The following SCMH1 variants were observed in gnomAD, a reference collection of about 807,000 sequenced individuals.
SCMH1 encodes polycomb protein SCMH1.
In SCMH1, 37 loss-of-function variants were observed where a neutral mutation model predicts 70.8. That is an observed-to-expected ratio of 0.52 (90% confidence interval 0.40 to 0.69). The LOEUF (loss-of-function observed/expected upper bound fraction) is 0.69, where lower values mean the gene tolerates loss of function less well. SCMH1 is among the 30% of genes least tolerant of loss of function. The pLI is 0.00. For missense variants in SCMH1, 607 were observed against 827.3 expected (o/e 0.73, Z 3.27); for synonymous variants, 292 against 307.4 (o/e 0.95, Z 0.52).
intron 6 of SCMH1, among the ~76,000 whole-genome samples, chr1:41,118,227 C>T (rs1671028568): frequency 6.6e-6 from 1 of 152,122 alleles, no homozygotes; most frequent in Admixed American, 6.5e-5. Context: ...TGTAACTTGT[C>T]CAAGGTAATG....
chr1:41,200,241 G>C (rs1333801774), intron 1 of SCMH1, among the ~76,000 whole-genome samples: 1 of 152,040 alleles, frequency 6.6e-6, no homozygotes, highest in Non-Finnish European at 1.5e-5. Context: ...ACTTTGGGAG[G>C]CTGAGGCGGG....
intron 4 of SCMH1, among the ~76,000 whole-genome samples, chr1:41,153,405 G>A (rs1466048468): frequency 2.0e-5 from 3 of 152,202 alleles, no homozygotes; most frequent in Non-Finnish European, 1.5e-5. Context: ...CAGATCAAGA[G>A]TTTTGGTCAG....
chr1:41,156,953 C>CTTT lies in SCMH1; in HGVS notation c.106+3919_106+3921dup, dbSNP rs66641047. Among the ~76,000 whole-genome samples the CTTT allele has an allele frequency of 3.6e-3, 402 of 110,806 alleles. 3 individuals carry two copies. The highest frequency in any genetic ancestry group is 6.0e-3 in the Non-Finnish European group (338 of 56,202). The allele number at this position is 110,806 out of a possible 152,430, so 72.7% of individuals were successfully genotyped here. Reference sequence around the variant, plus strand: ...TGCTGGGATTACAAGTATAAGCCAACTTTTTTTTTTTTTTTTTTTTTGAGA... The same window carrying CTTT: ...TGCTGGGATTACAAGTATAAGCCAACTTTTTTTTTTTTTTTTTTTTTTTTGAGA... On this transcript the variant is annotated intron_variant, in intron 4 of 14. Coordinates refer to ENST00000337495, the Ensembl canonical transcript of SCMH1.
chr1:41,241,286 C>A (rs1663464919), intron 1 of SCMH1, among the ~76,000 whole-genome samples: 1 of 152,246 alleles, frequency 6.6e-6, no homozygotes, highest in Non-Finnish European at 1.5e-5. Context: ...GTTCACCCAT[C>A]GGCTGGATAC....
rs145357820 is a variant in SCMH1 at position 41,190,370 on chromosome 1, G to T, written c.-117-4120C>A. ...CAAGGGAGAGAATTAGAACCAGTGG[G>T]TGGAAGCTATAGGTAGATAGACTTC... On this transcript the variant is annotated intron_variant, in intron 1 of 14. Coordinates refer to ENST00000337495, the Ensembl canonical transcript of SCMH1. Among the ~76,000 whole-genome samples the T allele has an allele frequency of 4.4e-3, 674 of 152,294 alleles. 10 individuals carry two copies. Among genetic ancestry groups the T allele is most frequent in the South Asian group, 0.023 (110 of 4,824 alleles).
chr1:41,103,522 T>C (rs1263990803), intron 8 of SCMH1, among the ~76,000 whole-genome samples: 2 of 152,174 alleles, frequency 1.3e-5, no homozygotes, highest in African/African-American at 2.4e-5. Flanking sequence ...TTATTTAAAA[T>C]TGGGGATTTT....
intron 1 of SCMH1, among the ~76,000 whole-genome samples, chr1:41,210,997 ACAAGCTTTCACCG>A (rs1656888137): frequency 2.0e-5 from 3 of 152,092 alleles, no homozygotes; most frequent in Non-Finnish European, 2.9e-5. Context: ...TTTCATAGAG[ACAAGCTTTCACCG>A]TGTTGGCCAG....
intron 4 of SCMH1, among the ~76,000 whole-genome samples, chr1:41,158,066 A>T (rs1481278075): frequency 6.6e-6 from 1 of 152,170 alleles, no homozygotes; most frequent in Non-Finnish European, 1.5e-5. Flanking sequence ...GAGAGAGCAA[A>T]TCTGAGTTTA....
chr1:41,201,797 TA>T (rs1019202705), intron 1 of SCMH1, among the ~76,000 whole-genome samples: 11 of 152,226 alleles, frequency 7.2e-5, no homozygotes, highest in Admixed American at 1.3e-4. Context: ...TTGATTTTTT[TA>T]AAAAAAATTA....
chr1:41,087,471 C>T (rs1418471816), intron 8 of SCMH1, among the ~76,000 whole-genome samples: 1 of 150,934 alleles, frequency 6.6e-6, no homozygotes, highest in African/African-American at 2.4e-5. Context: ...GGAAAAAAGA[C>T]CTATAATCAC....
At chr1:41,084,870 C>A (rs1048169929) in intron 8 of SCMH1, among the ~76,000 whole-genome samples, 17 of 151,170 alleles carry the variant, frequency 1.1e-4, no homozygotes, top group Non-Finnish European at 2.1e-4. Flanking sequence ...AGTAAACTAT[C>A]GCAAGAACAA....
chr1:41,067,654 G>A (rs1268632573), intron 10 of SCMH1, among the ~76,000 whole-genome samples: 1 of 152,072 alleles, frequency 6.6e-6, no homozygotes, highest in Admixed American at 6.6e-5. Flanking sequence ...TAGTGGGGAG[G>A]GAGGATGAAT....
chr1:41,070,735 T>A lies in SCMH1; in HGVS notation c.979-14A>T, dbSNP rs200760867. 6 of 1,613,292 alleles carry A rather than the reference T, an allele frequency of 3.7e-6. No homozygotes were observed. In the East Asian group the frequency reaches 1.3e-4, roughly 36 times the overall value. ...CCGAGGTTTCCTCTGTCAAAATGAA[T>A]GGGAAAAAAATTGCTACCCATGACA... On this transcript the variant is annotated splice_polypyrimidine_tract_variant and intron_variant, in intron 9 of 14. Coordinates refer to ENST00000337495, the Ensembl canonical transcript of SCMH1.
intron 9 of SCMH1, among the ~76,000 whole-genome samples, chr1:41,073,531 G>A (rs937613538): frequency 2.0e-5 from 3 of 152,110 alleles, no homozygotes; most frequent in Non-Finnish European, 4.4e-5. Flanking sequence ...GGAGTATTAC[G>A]TGTTACACAG....
At chr1:41,218,417 A>C (rs999330685) in intron 1 of SCMH1, among the ~76,000 whole-genome samples, 2 of 152,184 alleles carry the variant, frequency 1.3e-5, no homozygotes, top group African/African-American at 4.8e-5. Context: ...AGAGATACAC[A>C]GGGAGAACAC....
chr1:41,171,270 G>T (rs1177811632), intron 2 of SCMH1, among the ~76,000 whole-genome samples: 1 of 152,132 alleles, frequency 6.6e-6, no homozygotes, highest in Non-Finnish European at 1.5e-5. Context: ...TGTCCAGCTG[G>T]AATAGACATT....
chr1:41,129,645 C>A (rs896821014), intron 6 of SCMH1, among the ~76,000 whole-genome samples: 1 of 152,180 alleles, frequency 6.6e-6, no homozygotes, highest in Non-Finnish European at 1.5e-5. Flanking sequence ...CTTCCATCAA[C>A]AGACACTTGA....
intron 1 of SCMH1, among the ~76,000 whole-genome samples, chr1:41,232,213 T>C (rs763134983): frequency 6.6e-6 from 1 of 152,046 alleles, no homozygotes; most frequent in South Asian, 2.1e-4. Flanking sequence ...TTATCCTTAG[T>C]ATGTAGCTGG....
intron 9 of SCMH1, among the ~76,000 whole-genome samples, chr1:41,072,392 T>C (rs1656843081): frequency 6.6e-6 from 1 of 152,226 alleles, no homozygotes; most frequent in Admixed American, 6.5e-5. Context: ...ATGTACAATA[T>C]TATATGTATT....
Sources: allele counts gnomAD v4.1 joint callset (sites outside exome capture counted in the v4.1 genomes callset), GRCh38; gene constraint gnomAD v4.1.1; transcripts MANE v1.5; gene names NCBI Gene and HGNC (gene_info 2026-07-23, HGNC 2026-07-21).